Variants in RIC3 observed in about 807,000 individuals in gnomAD.
RIC3 encodes protein RIC-3.
A neutral mutation model predicts 27.3 loss-of-function variants in RIC3; 28 were observed. That is an observed-to-expected ratio of 1.02 (90% CI 0.76 to 1.41). RIC3 has a LOEUF of 1.41. Among genes scored for constraint, RIC3 ranks in the 40% most tolerant of loss-of-function variants. RIC3 has a pLI of 0.00. For synonymous variants in RIC3, 184 were observed against 160.4 expected (o/e 1.15, Z -1.11); for missense variants, 501 against 444.7 (o/e 1.13, Z -1.14).
chr11:8,101,528 T>C (rs758658015), downstream of RIC3: 2 of 1,614,204 alleles, frequency 1.2e-6, no homozygotes, highest in Non-Finnish European at 1.7e-6. Flanking sequence ...GCAGAGGATG[T>C]GTTCACCATG....
chr11:8,101,790 A>G, downstream of RIC3: 4 of 1,182,950 alleles, frequency 3.4e-6, no homozygotes, highest in Non-Finnish European at 4.6e-6. Flanking sequence ...TGCCTCTGCT[A>G]CTGAGGCAGG....
rs774910931 is a variant in RIC3, at chr11:8,140,082, G to C, written c.236C>G (p.Ala79Gly). The change falls in exon 2 of 6, where the codon GCC (alanine) becomes GGC (glycine). Residue 79 changes from alanine to glycine, a missense_variant. Coordinates refer to ENST00000309737, the MANE Select transcript of RIC3 (RefSeq NM_001206671.4). ...TCCAGCACCTCCACCTGATCCTTTG[G>C]CCTTTGCAAATGCCTCGGCAAGGTG... ...RSHLAEAFAK[A>G]KGSGGGAGGG... 6.2e-7 allele frequency: 1 copy of C among 1,613,964 alleles called. No homozygotes were observed. The highest frequency in any genetic ancestry group is 8.5e-7 in the Non-Finnish European group (1 of 1,180,004).
At chr11:8,155,366 A>G (rs1307175209) in intron 1 of RIC3, among the ~76,000 whole-genome samples, 3 of 152,150 alleles carry the variant, frequency 2.0e-5, no homozygotes, top group African/African-American at 7.2e-5. Flanking sequence ...ACCTGAGGTC[A>G]GGGGTTCAAG....
the RIC3 span, chr11:8,095,686 G>T: frequency 1.3e-6 from 2 of 1,568,550 alleles, no homozygotes; most frequent in East Asian, 2.4e-5. Context: ...TGGGGACCCA[G>T]TGATACCCCC....
intron 5 of RIC3, 58 bp from the exon 6 acceptor site, chr11:8,111,195 A>G: frequency 8.7e-7 from 1 of 1,149,890 alleles, no homozygotes; most frequent in South Asian, 1.6e-5. Context: ...AAAAAAAAAA[A>G]TAGTGTCAGG....
chr11:8,166,110 C>A (rs1214398608), intron 1 of RIC3, among the ~76,000 whole-genome samples: 1 of 152,108 alleles, frequency 6.6e-6, no homozygotes, highest in Non-Finnish European at 1.5e-5. Context: ...TCTTAAGTCC[C>A]AATAACACTG....
chr11:8,147,517 C>A (rs1293126892), intron 1 of RIC3, among the ~76,000 whole-genome samples: 1 of 152,058 alleles, frequency 6.6e-6, no homozygotes, highest in African/African-American at 2.4e-5. Flanking sequence ...CAAGAGACAA[C>A]CTTGCAGGGC....
chr11:8,133,982 T>C (rs991556067), intron 4 of RIC3, among the ~76,000 whole-genome samples: 17 of 142,282 alleles, frequency 1.2e-4, no homozygotes, highest in Admixed American at 2.1e-4. Context: ...TATGGTTTTC[T>C]TTTTTTTTTT....
At chr11:8,100,692 T>C in the RIC3 span, 4 of 1,482,718 alleles carry the variant, frequency 2.7e-6, no homozygotes, top group South Asian at 1.1e-5. Flanking sequence ...TGTGTGTATG[T>C]GGAGGGGTAC....
At chr11:8,098,925 C>T in the RIC3 span, 14 of 1,370,940 alleles carry the variant, frequency 1.0e-5, no homozygotes, top group African/African-American at 2.9e-5. Context: ...ATATGAAATC[C>T]AGGACTTGAT....
chr11:8,156,116 G>T (rs149619046), intron 1 of RIC3, among the ~76,000 whole-genome samples: 36 of 149,296 alleles, frequency 2.4e-4, no homozygotes, highest in African/African-American at 8.4e-4. Flanking sequence ...CTTAGCACAG[G>T]GCCCGATCCA....
intron 1 of RIC3, among the ~76,000 whole-genome samples, chr11:8,150,508 A>AT (rs201635059): frequency 6.6e-5 from 10 of 150,944 alleles, no homozygotes; most frequent in East Asian, 3.9e-4. Flanking sequence ...GGAATACAGA[A>AT]TTTTTTTTTT....
intron 1 of RIC3, among the ~76,000 whole-genome samples, chr11:8,165,784 TTTG>T (rs369175267): frequency 0.27 from 35,139 of 132,232 alleles, 4,539 homozygotes; most frequent in East Asian, 0.45. Context: ...TTTGTTTTGT[TTTG>T]TTTTTTTTTT....
At chr11:8,123,567 A>C (rs1946693281) in intron 5 of RIC3, among the ~76,000 whole-genome samples, 1 of 152,220 alleles carries the variant, frequency 6.6e-6, no homozygotes, top group African/African-American at 2.4e-5. Flanking sequence ...ACGTATATTA[A>C]ATGGATAATT....
chr11:8,139,639 T>TG (rs1197694956), intron 2 of RIC3: 3 of 133,496 alleles, frequency 2.2e-5, no homozygotes, highest in Non-Finnish European at 4.6e-5. Context: ...GATGTTAATT[T>TG]TTTTTTTTTT....
chr11:8,105,403 A>G (rs1368061707), downstream of RIC3: 2 of 152,256 alleles, frequency 1.3e-5, no homozygotes, highest in Non-Finnish European at 2.9e-5. Flanking sequence ...GCCAAGGGCT[A>G]GGCTCTTGTT....
At chr11:8,097,856 G>C in the RIC3 span, 3 of 1,575,956 alleles carry the variant, frequency 1.9e-6, no homozygotes, top group Non-Finnish European at 2.6e-6. Flanking sequence ...AAGCAGGCGG[G>C]AGTGGGAGGG....
intron 1 of RIC3, among the ~76,000 whole-genome samples, chr11:8,144,707 G>A (rs1949481497): frequency 1.3e-5 from 2 of 152,042 alleles, no homozygotes; most frequent in South Asian, 2.1e-4. Flanking sequence ...TATAAATTAT[G>A]CTGCTATAAA....
rs1951740251 is a variant in RIC3 at position 8,166,867 on chromosome 11, G to C, written c.124+1999C>G. On this transcript the variant is annotated intron_variant, in intron 1 of 5. Transcript: ENST00000309737. ...TCTGCACTCCAGCCTGGGTGACAGAGTGAGACCCAGGGAAAGGGAAAGAGA... is the reference window on the plus strand; with the variant it reads ...TCTGCACTCCAGCCTGGGTGACAGACTGAGACCCAGGGAAAGGGAAAGAGA... Among the ~76,000 whole-genome samples the C allele has an allele frequency of 2.6e-5, 4 of 152,070 alleles. No homozygotes were observed. The South Asian group carries it at 8.3e-4, about 32-fold the overall frequency.
Sources: allele counts gnomAD v4.1 joint callset (sites outside exome capture counted in the v4.1 genomes callset), GRCh38; gene constraint gnomAD v4.1.1; transcripts MANE v1.5; gene names NCBI Gene and HGNC (gene_info 2026-07-23, HGNC 2026-07-21).